The following ADRA1B variants were observed in gnomAD, a reference collection of about 807,000 sequenced individuals.
The protein encoded by ADRA1B is adrenoceptor alpha 1B.
ADRA1B carries 17 observed loss-of-function variants against 17.9 expected under a neutral mutation model. The ratio of observed to expected loss-of-function variants is 0.95; its 90% confidence interval spans 0.65 to 1.42. The LOEUF (loss-of-function observed/expected upper bound fraction) is 1.42, where lower values mean the gene tolerates loss of function less well. Among genes scored for constraint, ADRA1B ranks in the 40% most tolerant of loss-of-function variants. The pLI, the probability that ADRA1B is intolerant of heterozygous loss-of-function variation, is 0.00. For synonymous variants in ADRA1B, 366 were observed against 327.6 expected (o/e 1.12, Z -1.27); for missense variants, 681 against 722.1 (o/e 0.94, Z 0.65).
intron 1 of ADRA1B, among the ~76,000 whole-genome samples, chr5:159,918,169 C>T (rs1754382406): frequency 6.6e-6 from 1 of 152,166 alleles, no homozygotes; most frequent in South Asian, 2.1e-4. Context: ...GCTTGAATAT[C>T]ACACCGGCGT....
At chr5:159,985,211 G>A in the ADRA1B span, among the ~76,000 whole-genome samples, 1 of 152,226 alleles carries the variant, frequency 6.6e-6, no homozygotes, top group Admixed American at 6.5e-5. Flanking sequence ...CCTAAAAGAG[G>A]CCCTGATTAC....
intron 1 of ADRA1B, among the ~76,000 whole-genome samples, chr5:159,934,573 G>C (rs1754902222): frequency 6.6e-6 from 1 of 152,024 alleles, no homozygotes; most frequent in African/African-American, 2.4e-5. Context: ...GGGAGTCCGA[G>C]GCGGGCGGAT....
Position 159,883,979 on chromosome 5 carries a change from G to A in ADRA1B, c.-256+18773G>A, listed in dbSNP as rs548282781. Among the ~76,000 whole-genome samples, 426 of 152,334 alleles carry A rather than the reference G, an allele frequency of 2.8e-3. 2 individuals carry two copies. The highest frequency in any genetic ancestry group is 3.5e-3 in the South Asian group (17 of 4,828). On this transcript the variant is annotated intron_variant, in intron 1 of 2. Transcript: ENST00000641205. ...AAACACATCACTTTTACTTGACCCA[G>A]GCCAATTGACCAGTGGATGAGGGGT...
chr5:159,902,496 A>T (rs1409621859), intron 1 of ADRA1B, among the ~76,000 whole-genome samples: 1 of 145,954 alleles, frequency 6.9e-6, no homozygotes, highest in Non-Finnish European at 1.5e-5. Context: ...CCACCATTTA[A>T]AAAAAAAAAA....
chr5:159,920,022 AC>A (rs932741731), intron 1 of ADRA1B, among the ~76,000 whole-genome samples: 1 of 152,190 alleles, frequency 6.6e-6, no homozygotes, highest in African/African-American at 2.4e-5. Flanking sequence ...GGGATCTCAA[AC>A]TTTGAGAACT....
chr5:159,903,712 T>G (rs1754126727), intron 1 of ADRA1B, among the ~76,000 whole-genome samples: 1 of 152,170 alleles, frequency 6.6e-6, no homozygotes, highest in African/African-American at 2.4e-5. Flanking sequence ...TGTGGCTGCA[T>G]AGCAACCAGA....
In ADRA1B at chr5:159,972,481, G is replaced by A. The variant is rs968806926; in HGVS notation, c.1552G>A (p.Gly518Arg). ...CAAAAGCAACATGCCCCTGGCGCCC[G>A]GGCAGTTTTAGGGCCCCCGTGCGCA... ...GFKSNMPLAPGQF is the reference protein window; with the variant it reads ...GFKSNMPLAPRQF Residue 518 changes from glycine to arginine, a missense_variant, in exon 2 of 2, where the codon GGG (glycine) becomes AGG (arginine). This residue lies in a region of ADRA1B where 251 missense variants were observed against 224.9 expected (regional missense o/e 1.12). Transcript: ENST00000306675. 2 of 1,439,142 alleles carry A rather than the reference G, an allele frequency of 1.4e-6. No homozygotes were observed. Among genetic ancestry groups the A allele is most frequent in the East Asian group, 3.0e-5 (1 of 33,714 alleles). The allele number at this position is 1,439,142 out of a possible 1,614,324, so 89.1% of individuals were successfully genotyped here. A position where few individuals can be genotyped will look rare whatever the true frequency, so the allele number is the denominator to read the frequency against.
At chr5:159,980,771 T>C in the ADRA1B span, among the ~76,000 whole-genome samples, 67 of 152,252 alleles carry the variant, frequency 4.4e-4, no homozygotes, top group African/African-American at 1.6e-3. Context: ...TAGCATTATC[T>C]AGTGTGAGGA....
chr5:159,925,480 A>G (rs555685124), intron 1 of ADRA1B, among the ~76,000 whole-genome samples: 15 of 152,316 alleles, frequency 9.8e-5, no homozygotes, highest in Admixed American at 4.6e-4. Flanking sequence ...CTGGCTGCAT[A>G]CATTTCAGAC....
chr5:159,985,894 A>C, the ADRA1B span, among the ~76,000 whole-genome samples: 1 of 152,216 alleles, frequency 6.6e-6, no homozygotes, highest in East Asian at 1.9e-4. Flanking sequence ...GAGGCTTTGC[A>C]ACTTTGGGAG....
chr5:159,946,877 A>G (rs1755286913), intron 1 of ADRA1B, among the ~76,000 whole-genome samples: 1 of 152,214 alleles, frequency 6.6e-6, no homozygotes, highest in Non-Finnish European at 1.5e-5. Context: ...AGCATAGAAC[A>G]AAGACATGAT....
At chr5:159,882,290 A>G (rs531985533) in intron 1 of ADRA1B, among the ~76,000 whole-genome samples, 1 of 152,298 alleles carries the variant, frequency 6.6e-6, no homozygotes, top group East Asian at 1.9e-4. Flanking sequence ...TCAAGGACCA[A>G]AAGAGGAGGT....
At chr5:159,868,928 A>T (rs1753700156) in intron 1 of ADRA1B, 1 of 152,186 alleles carries the variant, frequency 6.6e-6, no homozygotes, top group African/African-American at 2.4e-5. Context: ...ATCAGTTTTA[A>T]AAGGAAACTT....
chr5:159,925,896 A>G (rs1754633501), intron 1 of ADRA1B, among the ~76,000 whole-genome samples: 1 of 152,222 alleles, frequency 6.6e-6, no homozygotes, highest in African/African-American at 2.4e-5. Flanking sequence ...TGGTGGGGGC[A>G]TTGCAGGGCC....
intron 1 of ADRA1B, among the ~76,000 whole-genome samples, chr5:159,889,646 G>A (rs1241238385): frequency 6.6e-6 from 1 of 152,208 alleles, no homozygotes; most frequent in African/African-American, 2.4e-5. Context: ...TGGGGGTCAT[G>A]CCAGTGGCTG....
At chr5:159,871,619 TC>T (rs1753740774) in intron 1 of ADRA1B, among the ~76,000 whole-genome samples, 3 of 152,224 alleles carry the variant, frequency 2.0e-5, no homozygotes, top group Middle Eastern at 3.4e-3. Flanking sequence ...CCACCCTAAA[TC>T]TAGAATCATC....
intron 1 of ADRA1B, among the ~76,000 whole-genome samples, chr5:159,949,926 G>A (rs1027550510): frequency 4.6e-5 from 7 of 152,268 alleles, no homozygotes; most frequent in African/African-American, 1.4e-4. Flanking sequence ...TCCCAGATAA[G>A]TCAAACCTCC....
chr5:159,981,743 G>A, the ADRA1B span, among the ~76,000 whole-genome samples: 236 of 152,232 alleles, frequency 1.6e-3, 2 homozygotes, highest in African/African-American at 5.2e-3. Flanking sequence ...TGATCCGCCC[G>A]CCTCGGCCTC....
intron 1 of ADRA1B, among the ~76,000 whole-genome samples, chr5:159,961,334 G>A (rs944044487): frequency 1.3e-5 from 2 of 152,066 alleles, no homozygotes; most frequent in African/African-American, 4.8e-5. Flanking sequence ...GTTTTGGAAT[G>A]GAGTTGTTGC....
Sources: allele counts gnomAD v4.1 joint callset (sites outside exome capture counted in the v4.1 genomes callset), GRCh38; gene constraint gnomAD v4.1.1; regional missense constraint gnomAD v4.1.1; transcripts MANE v1.5; gene names NCBI Gene and HGNC (gene_info 2026-07-23, HGNC 2026-07-21).